Variants in MSI2 observed in about 807,000 individuals in gnomAD.
MSI2 encodes the protein musashi RNA binding protein 2, also known as RNA-binding protein Musashi homolog 2.
In MSI2, 17 loss-of-function variants were observed where a neutral mutation model predicts 45.6. The observed-to-expected ratio is 0.37, with a 90% CI of 0.26 to 0.56. MSI2 has a LOEUF of 0.56. Among genes scored for constraint, MSI2 ranks in the 20% least tolerant of loss-of-function variants. The probability of loss-of-function intolerance (pLI) is 0.77; values close to 1 mark genes in which losing one functional copy is unlikely to be tolerated. For synonymous variants in MSI2, 156 were observed against 158.2 expected (o/e 0.99, Z 0.11); for missense variants, 293 against 444.2 (o/e 0.66, Z 3.06).
At chr17:57,396,936 C>T (rs552898392) in intron 5 of MSI2, among the ~76,000 whole-genome samples, 2 of 152,172 alleles carry the variant, frequency 1.3e-5, no homozygotes, top group Non-Finnish European at 2.9e-5. Context: ...TCTGGTGTCT[C>T]TAATGGTGGG....
chr17:57,615,068 G>T (rs971666930), intron 8 of MSI2, among the ~76,000 whole-genome samples: 1 of 151,826 alleles, frequency 6.6e-6, no homozygotes, highest in Non-Finnish European at 1.5e-5. Context: ...AAATTCTAAA[G>T]ATCTGGTTTG....
chr17:57,345,636 T>C (rs1915534711), intron 5 of MSI2, among the ~76,000 whole-genome samples: 1 of 152,030 alleles, frequency 6.6e-6, no homozygotes. Context: ...CTGGCCAACA[T>C]GGTAAAACCC....
chr17:57,331,076 G>A (rs1044148967), intron 5 of MSI2, among the ~76,000 whole-genome samples: 1 of 151,984 alleles, frequency 6.6e-6, no homozygotes, highest in Non-Finnish European at 1.5e-5. Context: ...ACCATGCCCA[G>A]CTAATTTTTG....
At chr17:57,455,141 G>T (rs1385356236) in intron 6 of MSI2, among the ~76,000 whole-genome samples, 3 of 152,282 alleles carry the variant, frequency 2.0e-5, no homozygotes, top group Admixed American at 6.5e-5. Flanking sequence ...TCTTCATGTG[G>T]CTCTGGGGCT....
intron 11 of MSI2, among the ~76,000 whole-genome samples, chr17:57,673,567 T>C (rs1363757751): frequency 6.6e-6 from 1 of 152,206 alleles, no homozygotes; most frequent in Non-Finnish European, 1.5e-5. Flanking sequence ...AGTAAGAACT[T>C]CCTTTAACAA....
At chr17:57,374,128 A>G (rs943830671) in intron 5 of MSI2, among the ~76,000 whole-genome samples, 1 of 152,238 alleles carries the variant, frequency 6.6e-6, no homozygotes, top group Non-Finnish European at 1.5e-5. Context: ...AGACAACTAG[A>G]GAATTGTCCA....
chr17:57,531,404 T>G (rs930916752), intron 7 of MSI2, among the ~76,000 whole-genome samples: 2 of 152,180 alleles, frequency 1.3e-5, no homozygotes, highest in Non-Finnish European at 2.9e-5. Context: ...TCCGTCCGGT[T>G]GGAAAAATAA....
At chr17:57,528,100 C>G (rs922948563) in intron 6 of MSI2, among the ~76,000 whole-genome samples, 6 of 149,284 alleles carry the variant, frequency 4.0e-5, no homozygotes, top group Admixed American at 2.7e-4. Context: ...ACAGTTTTAC[C>G]CCCCCTACAG....
At chr17:57,319,039 G>A (rs1257073019) in intron 5 of MSI2, among the ~76,000 whole-genome samples, 1 of 152,246 alleles carries the variant, frequency 6.6e-6, no homozygotes, top group Non-Finnish European at 1.5e-5. Flanking sequence ...CCACTGGAAA[G>A]TGTGTGTGGG....
chr17:57,413,556 T>C (rs2084237327), intron 6 of MSI2, among the ~76,000 whole-genome samples: 1 of 152,006 alleles, frequency 6.6e-6, no homozygotes, highest in South Asian at 2.1e-4. Context: ...CCCAGTATCA[T>C]TTGGCTGATG....
intron 6 of MSI2, among the ~76,000 whole-genome samples, chr17:57,491,888 G>T (rs993961756): frequency 1.3e-5 from 2 of 152,028 alleles, no homozygotes; most frequent in Admixed American, 1.3e-4. Context: ...CCACAAGTCT[G>T]GCCAGAAGGA....
intron 5 of MSI2, chr17:57,285,861 T>C: frequency 1.3e-6 from 2 of 1,514,080 alleles, no homozygotes; most frequent in Non-Finnish European, 1.8e-6. Flanking sequence ...TGTGTAGTTC[T>C]GATTTTCCGA....
chr17:57,336,158 G>C (rs1914677528), intron 5 of MSI2, among the ~76,000 whole-genome samples: 1 of 152,356 alleles, frequency 6.6e-6, no homozygotes, highest in African/African-American at 2.4e-5. Context: ...TGGTGGTGAG[G>C]ACGGTGGTGA....
chr17:57,444,431 A>C (rs924326179), intron 6 of MSI2: 1 of 152,106 alleles, frequency 6.6e-6, no homozygotes, highest in Non-Finnish European at 1.5e-5. Flanking sequence ...TAAAAATACA[A>C]AAATTAGTCG....
chr17:57,365,764 A>G (rs552173944), intron 5 of MSI2, among the ~76,000 whole-genome samples: 91 of 152,266 alleles, frequency 6.0e-4, no homozygotes, highest in African/African-American at 1.9e-3. Context: ...GAGCTTCCAC[A>G]TATTGTGCAC....
At position 57,282,013 on chromosome 17, in the gene MSI2, T is replaced by C. The variant is rs1284984576; in HGVS notation, c.312+19821T>C. Among the ~76,000 whole-genome samples, 54 of 152,204 alleles carry C rather than the reference T, an allele frequency of 3.5e-4. 1 individual carries two copies. The highest frequency in any genetic ancestry group is 3.5e-3 in the Admixed American group (54 of 15,284). ...TGAGGATGTCAACATTTTAAATTTG[T>C]CACTGCTTTGACTTCCCTAGCTTTA... On this transcript the variant is annotated intron_variant, in intron 5 of 13. Coordinates refer to ENST00000284073, the MANE Select transcript of MSI2 (RefSeq NM_138962.4).
intron 11 of MSI2, among the ~76,000 whole-genome samples, chr17:57,674,654 TA>T (rs1913088765): frequency 6.6e-6 from 1 of 152,116 alleles, no homozygotes; most frequent in Non-Finnish European, 1.5e-5. Flanking sequence ...TCTATTGTGA[TA>T]ATTTGGTGGG....
rs551700556 is a variant in MSI2, at chr17:57,395,877, C to G, written c.313-5502C>G. On this transcript the variant is annotated intron_variant, in intron 5 of 13. Coordinates refer to ENST00000284073, the MANE Select transcript of MSI2 (RefSeq NM_138962.4). The stretch of plus-strand genomic sequence containing the variant: ...GGAAAGCTGTCCTCCTAACTACCTG[C>G]CTTGCCTTTAACTAGCATGCGAGTC... Among the ~76,000 whole-genome samples the G allele has an allele frequency of 6.6e-5, 10 of 152,274 alleles. No individual in the cohort carries two copies. The South Asian group carries it at 2.1e-3, about 32-fold the overall frequency.
At chr17:57,619,810 C>A (rs1908118395) in intron 9 of MSI2, among the ~76,000 whole-genome samples, 1 of 152,196 alleles carries the variant, frequency 6.6e-6, no homozygotes, top group Non-Finnish European at 1.5e-5. Flanking sequence ...TACTCATCTG[C>A]CCAGCTCTTC....
Sources: allele counts gnomAD v4.1 joint callset (sites outside exome capture counted in the v4.1 genomes callset), GRCh38; gene constraint gnomAD v4.1.1; transcripts MANE v1.5; gene names NCBI Gene and HGNC (gene_info 2026-07-23, HGNC 2026-07-21).